PALMD: variants seen among roughly 807,000 people sequenced by gnomAD.
The protein encoded by PALMD is palmdelphin.
In PALMD, 42 loss-of-function variants were observed where a neutral mutation model predicts 56.2. The observed-to-expected ratio is 0.75, with a 90% CI of 0.58 to 0.97. The LOEUF is 0.97. PALMD is among the 50% of genes least tolerant of loss of function. PALMD has a pLI of 0.00. For synonymous variants in PALMD, 242 were observed against 222.9 expected (o/e 1.09, Z -0.76); for missense variants, 660 against 643.8 (o/e 1.03, Z -0.27).
At chr1:99,647,667 CTGT>C (rs1652473185) in intron 1 of PALMD, among the ~76,000 whole-genome samples, 1 of 152,244 alleles carries the variant, frequency 6.6e-6, no homozygotes, top group African/African-American at 2.4e-5. Flanking sequence ...CGGCTCTGCT[CTGT>C]TGTTTTTGGC....
At chr1:99,668,334 C>T (rs546567064) in intron 3 of PALMD, 1 of 152,500 alleles carries the variant, frequency 6.6e-6, no homozygotes, top group South Asian at 2.1e-4. Context: ...TTTTTAAGTG[C>T]ATATTGATGA....
intron 1 of PALMD, among the ~76,000 whole-genome samples, chr1:99,658,401 A>G (rs1048804920): frequency 6.6e-6 from 1 of 152,068 alleles, no homozygotes; most frequent in African/African-American, 2.4e-5. Flanking sequence ...TAGCCAAGGT[A>G]GGAGGATTGC....
chr1:99,673,665 T>G (rs1653139030), intron 3 of PALMD, among the ~76,000 whole-genome samples: 2 of 152,338 alleles, frequency 1.3e-5, no homozygotes, highest in African/African-American at 4.8e-5. Flanking sequence ...GTTGTTGTTT[T>G]CAATTTCCCA....
At chr1:99,665,315 G>C (rs1652938650) in intron 2 of PALMD, among the ~76,000 whole-genome samples, 1 of 152,094 alleles carries the variant, frequency 6.6e-6, no homozygotes, top group African/African-American at 2.4e-5. Flanking sequence ...TTGTAAAGTA[G>C]ATTTTATTAT....
In PALMD at chr1:99,647,367, T is replaced by C. The variant is rs537449914; in HGVS notation, c.45+1005T>C. Among the ~76,000 whole-genome samples the C allele has an allele frequency of 6.6e-5, 10 of 152,358 alleles. No individual in the cohort carries two copies. In the South Asian group the frequency reaches 1.0e-3, roughly 16 times the overall value. ...AAAATTTTCATTGCATAACTAATTA[T>C]GCTAATCCTAATTTAGATTTTTTAC... is the stretch of plus-strand genomic sequence containing the variant. On this transcript the variant is annotated intron_variant, in intron 1 of 7. Coordinates refer to ENST00000263174, the MANE Select transcript of PALMD (RefSeq NM_017734.5).
intron 7 of PALMD, among the ~76,000 whole-genome samples, chr1:99,691,528 C>T (rs1457224287): frequency 2.6e-5 from 4 of 152,162 alleles, no homozygotes; most frequent in Admixed American, 1.3e-4. Flanking sequence ...TGCCTTCCAC[C>T]ATGATATTGT....
rs1046334476 is a variant in PALMD at position 99,694,186 on chromosome 1, T to G, written c.*124T>G. ...AAAATTATCATTACAGTGTACCATA[T>G]TAAGCCATGTGAATAAGTAGTAGTC... On this transcript the variant is annotated 3_prime_UTR_variant, in exon 8 of 8. Coordinates refer to ENST00000263174, the MANE Select transcript of PALMD (RefSeq NM_017734.5). 5 of 623,502 alleles carry G rather than the reference T, an allele frequency of 8.0e-6. No homozygotes were observed. Among genetic ancestry groups the G allele is most frequent in the Non-Finnish European group, 1.4e-5 (5 of 355,998 alleles). 38.6% of individuals were successfully genotyped at this position (623,502 alleles called of 1,614,324 possible).
At chr1:99,655,202 G>C (rs997097011) in intron 1 of PALMD, among the ~76,000 whole-genome samples, 1 of 151,924 alleles carries the variant, frequency 6.6e-6, no homozygotes, top group African/African-American at 2.4e-5. Flanking sequence ...CAATTACTCA[G>C]CATCTATGAT....
At chr1:99,681,103 A>G (rs1273797515) in intron 3 of PALMD, among the ~76,000 whole-genome samples, 184 of 51,356 alleles carry the variant, frequency 3.6e-3, no homozygotes, top group African/African-American at 0.017. Context: ...GTGTGTGTAT[A>G]TATGTGTGTG....
Position 99,694,320 on chromosome 1 carries a change from C to A in PALMD, c.*258C>A. 6.2e-6 allele frequency: 2 copies of A among 324,262 alleles called. No homozygotes were observed. The highest frequency in any genetic ancestry group is 1.1e-5 in the Non-Finnish European group (2 of 174,934). The allele number at this position is 324,262 out of a possible 1,614,324, so 20.1% of individuals were successfully genotyped here. On this transcript the variant is annotated 3_prime_UTR_variant, in exon 8 of 8. Transcript: ENST00000263174. ...ACCAGCATTTTTTATTCTATTGATA[C>A]CAAAGCATTTCTAATAAGAGCTTGT...
At position 99,651,344 on chromosome 1, in the gene PALMD, T is replaced by C. The variant is rs115211724; in HGVS notation, c.45+4982T>C. On this transcript the variant is annotated intron_variant, in intron 1 of 7. Coordinates refer to ENST00000263174, the MANE Select transcript of PALMD (RefSeq NM_017734.5). ...GCTTTTTGATAACTGGGGAAGGTTTTTCCACTGTGCAACAAAATGATAATG... is the reference window on the plus strand; with the variant it reads ...GCTTTTTGATAACTGGGGAAGGTTTCTCCACTGTGCAACAAAATGATAATG... 8.5e-3 allele frequency among the ~76,000 whole-genome samples: 1,295 copies of C among 152,330 alleles called. 7 individuals are homozygous for C. The highest frequency in any genetic ancestry group is 0.02 in the Middle Eastern group (6 of 294).
chr1:99,690,282 T>G (rs1184994058), intron 7 of PALMD, among the ~76,000 whole-genome samples: 1 of 152,192 alleles, frequency 6.6e-6, no homozygotes, highest in Non-Finnish European at 1.5e-5. Flanking sequence ...ATTGCCTTAA[T>G]TCTGCAAGAA....
At position 99,687,081 on chromosome 1, in the gene PALMD, A is replaced by G. The variant is rs1190921285; in HGVS notation, c.406A>G (p.Ile136Val). The G allele has an allele frequency of 3.8e-6, 6 of 1,587,686 alleles. No individual in the cohort carries two copies. The highest frequency in any genetic ancestry group is 2.2e-5 in the East Asian group (1 of 44,626). ...AATTCATATTAATTTTACAGAGTCAATTGAGGACATCTATGCTAATATCCC... is the reference window on the plus strand; with the variant it reads ...AATTCATATTAATTTTACAGAGTCAGTTGAGGACATCTATGCTAATATCCC... ...VEREERAEES[I>V]EDIYANIPDL... The change falls in exon 6 of 8, where the codon ATT becomes GTT. Residue 136 changes from isoleucine to valine, a missense_variant. By Grantham distance (29) the Ile-to-Val change is conservative. Coordinates refer to ENST00000263174, the MANE Select transcript of PALMD (RefSeq NM_017734.5).
At chr1:99,649,980 C>T (rs562655899) in intron 1 of PALMD, among the ~76,000 whole-genome samples, 1 of 152,258 alleles carries the variant, frequency 6.6e-6, no homozygotes, top group South Asian at 2.1e-4. Flanking sequence ...TAGGCACCTA[C>T]TATGCACCAA....
chr1:99,658,172 G>C (rs933734677), intron 1 of PALMD, among the ~76,000 whole-genome samples: 1 of 151,192 alleles, frequency 6.6e-6, no homozygotes, highest in Non-Finnish European at 1.5e-5. Flanking sequence ...GGCATGGTGG[G>C]GCATGCCTGT....
chr1:99,654,711 A>G (rs1448115174), intron 1 of PALMD, among the ~76,000 whole-genome samples: 1 of 152,154 alleles, frequency 6.6e-6, no homozygotes, highest in Non-Finnish European at 1.5e-5. Flanking sequence ...ATATAACATT[A>G]TCAATCTCTG....
intron 2 of PALMD, among the ~76,000 whole-genome samples, chr1:99,666,047 G>A (rs943638978): frequency 6.6e-6 from 1 of 152,066 alleles, no homozygotes; most frequent in African/African-American, 2.4e-5. Context: ...TTCTGAAAAG[G>A]CCAGTACAAA....
At chr1:99,676,791 GA>G (rs796387197) in intron 3 of PALMD, among the ~76,000 whole-genome samples, 2 of 149,698 alleles carry the variant, frequency 1.3e-5, no homozygotes, top group South Asian at 2.1e-4. Context: ...AGTAAAAAAA[GA>G]AAAAAAAAGC....
At chr1:99,655,156 T>C (rs1652690293) in intron 1 of PALMD, among the ~76,000 whole-genome samples, 1 of 152,092 alleles carries the variant, frequency 6.6e-6, no homozygotes, top group African/African-American at 2.4e-5. Flanking sequence ...AATTATTTGA[T>C]AAAACTTCAG....
Sources: allele counts gnomAD v4.1 joint callset (sites outside exome capture counted in the v4.1 genomes callset), GRCh38; gene constraint gnomAD v4.1.1; transcripts MANE v1.5; gene names NCBI Gene and HGNC (gene_info 2026-07-23, HGNC 2026-07-21).